The following ATG7 variants were observed in gnomAD, a reference collection of about 807,000 sequenced individuals.
The protein encoded by ATG7 is ubiquitin-like modifier-activating enzyme ATG7.
Under a neutral mutation model 82.4 loss-of-function variants are expected in ATG7, and 70 were observed. The ratio of observed to expected loss-of-function variants is 0.85; its 90% CI spans 0.70 to 1.04. ATG7 has a LOEUF of 1.04. Ranked by LOEUF, ATG7 falls within the 50% of genes least tolerant of loss-of-function variation. The pLI is 0.00. For missense variants in ATG7, 792 were observed against 864.3 expected (o/e 0.92, Z 1.05); for synonymous variants, 287 against 313.0 (o/e 0.92, Z 0.88).
At chr3:11,567,275 C>T in the ATG7 span, among the ~76,000 whole-genome samples, 495 of 152,280 alleles carry the variant, frequency 3.3e-3, 5 homozygotes, top group South Asian at 0.011. Flanking sequence ...ATCAGAGCGG[C>T]GCAGTGCAGC....
intron 19 of ATG7, among the ~76,000 whole-genome samples, chr3:11,421,588 A>G (rs1192111198): frequency 1.3e-5 from 2 of 152,014 alleles, no homozygotes; most frequent in African/African-American, 2.4e-5. Context: ...GAACCCCTCA[A>G]AGTCATCCAT....
chr3:11,342,504 A>C (rs1228713522), intron 13 of ATG7, among the ~76,000 whole-genome samples: 1 of 152,124 alleles, frequency 6.6e-6, no homozygotes, highest in African/African-American at 2.4e-5. Flanking sequence ...ATTTCCTATT[A>C]AGCAGACTTT....
intron 9 of ATG7, among the ~76,000 whole-genome samples, chr3:11,317,013 T>G (rs928075572): frequency 6.6e-6 from 1 of 152,180 alleles, no homozygotes; most frequent in East Asian, 1.9e-4. Flanking sequence ...CCTTTTTTGT[T>G]GTATTTTTAT....
chr3:11,458,640 A>G lies in ATG7; in HGVS notation c.2079+31714A>G, dbSNP rs184158956. Among the ~76,000 whole-genome samples, 13 of 152,370 alleles carry G rather than the reference A, an allele frequency of 8.5e-5. No homozygotes were observed. In the South Asian group the frequency reaches 1.0e-3, roughly 12 times the overall value. ...ATAGCTAGTTACTTCTCCATGCTGG[A>G]ACTCAGTTCCCTCTAAAAAATTGGA... On this transcript the variant is annotated intron_variant, in intron 20 of 20. Coordinates refer to ENST00000693202, the MANE Select transcript of ATG7 (RefSeq NM_001349232.2).
At chr3:11,570,612 A>G in the ATG7 span, among the ~76,000 whole-genome samples, 2 of 152,272 alleles carry the variant, frequency 1.3e-5, no homozygotes, top group Non-Finnish European at 2.9e-5. Context: ...GTGTGAGTCC[A>G]GTTAACAGCG....
intron 20 of ATG7, among the ~76,000 whole-genome samples, chr3:11,470,368 G>C (rs1393182783): frequency 6.6e-6 from 1 of 152,248 alleles, no homozygotes; most frequent in Non-Finnish European, 1.5e-5. Context: ...TGGCTTGTGA[G>C]TGTACTGAAC....
At chr3:11,276,447 A>G (rs1392047015) in intron 1 of ATG7, among the ~76,000 whole-genome samples, 2 of 152,162 alleles carry the variant, frequency 1.3e-5, no homozygotes, top group African/African-American at 4.8e-5. Context: ...GGAAAAAACA[A>G]AAACCCTCCA....
intron 20 of ATG7, among the ~76,000 whole-genome samples, chr3:11,527,346 A>C (rs766520394): frequency 1.3e-5 from 2 of 151,900 alleles, no homozygotes; most frequent in Admixed American, 6.6e-5. Flanking sequence ...TGATCCACTC[A>C]CCTTGGCCTC....
chr3:11,457,064 G>A (rs1167970096), intron 20 of ATG7, among the ~76,000 whole-genome samples: 2 of 152,172 alleles, frequency 1.3e-5, no homozygotes, highest in Non-Finnish European at 2.9e-5. Context: ...CACCAAGGAT[G>A]AAAATGGGGC....
In ATG7 at chr3:11,470,490, C is replaced by T. The variant is rs142326077; in HGVS notation, c.2079+43564C>T. Among the ~76,000 whole-genome samples the T allele has an allele frequency of 7.0e-3, 1,061 of 152,296 alleles. 9 individuals carry two copies. Among genetic ancestry groups the T allele is most frequent in the African/African-American group, 0.023 (959 of 41,550 alleles). ...TGGGGCCACCCTCATATGTGCAGTCCATTGTTGACCGAAACGTCATTATGT... is the reference window on the plus strand; with the variant it reads ...TGGGGCCACCCTCATATGTGCAGTCTATTGTTGACCGAAACGTCATTATGT... On this transcript the variant is annotated intron_variant, in intron 20 of 20. Coordinates refer to ENST00000693202, the MANE Select transcript of ATG7 (RefSeq NM_001349232.2).
intron 20 of ATG7, among the ~76,000 whole-genome samples, chr3:11,511,272 T>C (rs2092038113): frequency 6.6e-6 from 1 of 152,122 alleles, no homozygotes. Context: ...GTGGCCTGTT[T>C]TGTCAGGGCG....
At chr3:11,418,131 G>A (rs1175231150) in intron 19 of ATG7, among the ~76,000 whole-genome samples, 1 of 151,476 alleles carries the variant, frequency 6.6e-6, no homozygotes, top group South Asian at 2.1e-4. Flanking sequence ...TTAAGGTAGG[G>A]TCTCACTCTG....
chr3:11,525,262 C>G (rs535403619), intron 20 of ATG7, among the ~76,000 whole-genome samples: 1 of 151,336 alleles, frequency 6.6e-6, no homozygotes, highest in Non-Finnish European at 1.5e-5. Context: ...GACTCCTGAC[C>G]TCAGGTGATC....
intron 20 of ATG7, among the ~76,000 whole-genome samples, chr3:11,495,890 T>G (rs114593225): frequency 0.011 from 1,724 of 152,310 alleles, 30 homozygotes; most frequent in African/African-American, 0.039. Flanking sequence ...ATGCAAAATA[T>G]ATATAATGGA....
intron 20 of ATG7, among the ~76,000 whole-genome samples, chr3:11,455,307 T>C (rs1184630742): frequency 6.6e-6 from 1 of 152,252 alleles, no homozygotes; most frequent in Non-Finnish European, 1.5e-5. Flanking sequence ...TTCCATGTCC[T>C]TACCCAGTAA....
At position 11,323,009 on chromosome 3, in the gene ATG7, A is replaced by T. The variant is rs183580870; in HGVS notation, c.678+7516A>T. 9.2e-5 allele frequency among the ~76,000 whole-genome samples: 14 copies of T among 152,342 alleles called. No individual in the cohort carries two copies. The East Asian group carries it at 2.3e-3, about 25-fold the overall frequency. ...AGATACTCTGAAGGCTGAGGCAGGA[A>T]GATTCCTTGAGCCCAGGAATTTGAG... On this transcript the variant is annotated intron_variant, in intron 9 of 20. Transcript: ENST00000693202.
At chr3:11,523,508 G>A (rs560874770) in intron 20 of ATG7, among the ~76,000 whole-genome samples, 58 of 152,354 alleles carry the variant, frequency 3.8e-4, no homozygotes, top group Non-Finnish European at 7.3e-4. Context: ...GCACTGAAGT[G>A]TTTGATTTAG....
chr3:11,290,172 C>T (rs1181335798), intron 3 of ATG7, among the ~76,000 whole-genome samples: 2 of 152,246 alleles, frequency 1.3e-5, no homozygotes, highest in African/African-American at 4.8e-5. Flanking sequence ...AAAACTCTCT[C>T]ATGAACAAGT....
rs1447517107 is a variant in ATG7 at position 11,308,983 on chromosome 3, G to T, written c.334-1G>T. 6.8e-6 allele frequency: 11 copies of T among 1,613,040 alleles called. No homozygotes were observed. The highest frequency in any genetic ancestry group is 9.3e-6 in the Non-Finnish European group (11 of 1,178,958). On this transcript the variant is annotated splice_acceptor_variant, in intron 6 of 20. Coordinates refer to ENST00000693202, the MANE Select transcript of ATG7 (RefSeq NM_001349232.2). LOFTEE classifies it high-confidence loss of function. ...CCTTGATGCTTTTCTTCTTCTTGCA[G>T]ATATGGGAATCCATAAAATCAGGCA...
Sources: gnomAD v4.1 joint callset for allele counts (sites outside exome capture counted in the v4.1 genomes callset) on GRCh38, gnomAD v4.1.1 for gene constraint, MANE v1.5 for transcripts, NCBI Gene and HGNC (gene_info 2026-07-23, HGNC 2026-07-21) for gene names.